CABP7: variants seen among roughly 807,000 people sequenced by gnomAD.
CABP7 encodes the protein calcium-binding protein 7.
A neutral mutation model predicts 23.1 loss-of-function variants in CABP7; 13 were observed. That is an observed-to-expected ratio of 0.56 (90% CI 0.37 to 0.90). The LOEUF is 0.90. CABP7 is among the 40% of genes least tolerant of loss of function. The pLI is 0.01. For missense variants in CABP7, 248 were observed against 295.6 expected, an observed-to-expected ratio of 0.84 and a Z score of 1.18; for synonymous variants, 123 against 115.3, an observed-to-expected ratio of 1.07 and a Z score of -0.43.
At position 29,731,259 on chromosome 22, in the gene CABP7, C is replaced by T. The variant is rs533075080; in HGVS notation, c.*1690C>T. The T allele has an allele frequency of 1.1e-5, 17 of 1,515,946 alleles. No individual in the cohort carries two copies. The South Asian group carries it at 2.2e-4, about 19-fold the overall frequency. 93.9% of individuals were successfully genotyped at this position (1,515,946 alleles called of 1,614,324 possible). Reference sequence around the variant, plus strand: ...CTGGACTCTGGGCTGCAGAGGCCACCCCCCAGGTGGGGGTGCCCGCAGGGA... The same window carrying T: ...CTGGACTCTGGGCTGCAGAGGCCACTCCCCAGGTGGGGGTGCCCGCAGGGA... On this transcript the variant is annotated 3_prime_UTR_variant, in exon 5 of 5. Coordinates refer to ENST00000216144, the MANE Select transcript of CABP7 (RefSeq NM_182527.3).
At position 29,731,076 on chromosome 22, in the gene CABP7, C is replaced by T; in HGVS notation, c.*1507C>T. ...GCCCGGTGCAGACCCAGGACGAGGG[C>T]TGCACTTGGTGTGGCCGTGTCCTGA... is the stretch of plus-strand genomic sequence containing the variant. On this transcript the variant is annotated 3_prime_UTR_variant, in exon 5 of 5. Coordinates refer to ENST00000216144, the MANE Select transcript of CABP7 (RefSeq NM_182527.3). 1.3e-6 allele frequency: 1 copy of T among 798,906 alleles called. No individual in the cohort carries two copies. The highest frequency in any genetic ancestry group is 1.8e-6 in the Non-Finnish European group (1 of 548,062). 49.5% of individuals were successfully genotyped at this position (798,906 alleles called of 1,614,324 possible).
Position 29,720,727 on chromosome 22 carries a change from C to A in CABP7, c.109+194C>A, listed in dbSNP as rs992137344. ...CCGGGGCGCCGCGGTGGGGGTCGCT[C>A]AGGCGGAGAGCGGCCCAGCCCCTGC... On this transcript the variant is annotated intron_variant, in intron 1 of 4. Coordinates refer to ENST00000216144, the MANE Select transcript of CABP7 (RefSeq NM_182527.3). The surrounding 1 kb of genome is among the most constrained non-coding windows in gnomAD (Gnocchi z 5.2). 6.6e-6 allele frequency among the ~76,000 whole-genome samples: 1 copy of A among 151,530 alleles called. No homozygotes were observed. Among genetic ancestry groups the A allele is most frequent in the African/African-American group, 2.4e-5 (1 of 41,374 alleles).
In CABP7 at chr22:29,720,354, C is replaced by T. The variant is rs2067750417; in HGVS notation, c.-71C>T. The T allele has an allele frequency of 3.3e-6, 3 of 906,558 alleles. No individual in the cohort carries two copies. The Admixed American group carries it at 1.3e-4, about 39-fold the overall frequency. 56.2% of individuals were successfully genotyped at this position (906,558 alleles called of 1,614,324 possible). A position where few individuals can be genotyped will look rare whatever the true frequency, so the allele number is the denominator to read the frequency against. On this transcript the variant is annotated 5_prime_UTR_variant, in exon 1 of 5. Transcript: ENST00000216144. This position sits in a 1 kb window ranked among gnomAD's most constrained non-coding sequence, Gnocchi z 5.2. ...GCGCCCCGCCCGCTCCAGCCGCCCCCGGGGCCGCCACCGGCCCATGAGCCC... is the reference window on the plus strand; with the variant it reads ...GCGCCCCGCCCGCTCCAGCCGCCCCTGGGGCCGCCACCGGCCCATGAGCCC...
rs1404077022 is a variant in CABP7, at chr22:29,729,497, C to T, written c.576C>T (p.Ala192=). The T allele has an allele frequency of 1.2e-6, 2 of 1,612,428 alleles. No individual in the cohort carries two copies. The highest frequency in any genetic ancestry group is 1.7e-6 in the Non-Finnish European group (2 of 1,180,000). ...QTCVRKSLIC[A]FAIAFIISVM... is the part of the protein sequence containing the mutation. The stretch of plus-strand genomic sequence containing the variant: ...GCGTGCGCAAGAGTCTCATCTGCGC[C>T]TTCGCCATCGCCTTCATCATCAGTG... The change falls in exon 5 of 5, where the codon GCC becomes GCT. Residue 192 remains alanine, a synonymous_variant. Transcript: ENST00000216144.
chr22:29,729,554 C>T lies in CABP7; in HGVS notation c.633C>T (p.Arg211=). ...TCATTGCGGCCAACCAGGTGCTGCG[C>T]AGTGGCATGAAGTAGACGCCACCTG... is the stretch of plus-strand genomic sequence containing the variant. The part of the protein sequence containing the change: ...VMLIAANQVL[R]SGMK Residue 211 remains arginine (R), a synonymous_variant, in exon 5 of 5, where the codon CGC becomes CGT. Coordinates refer to ENST00000216144, the MANE Select transcript of CABP7 (RefSeq NM_182527.3). The T allele has an allele frequency of 1.2e-6, 2 of 1,611,146 alleles. No individual in the cohort carries two copies. The highest frequency in any genetic ancestry group is 1.7e-6 in the Non-Finnish European group (2 of 1,179,942).
Position 29,731,454 on chromosome 22 carries a change from G to T in CABP7, c.*1885G>T. The T allele has an allele frequency of 6.9e-7, 1 of 1,453,772 alleles. No homozygotes were observed. Among genetic ancestry groups the T allele is most frequent in the Non-Finnish European group, 9.0e-7 (1 of 1,109,508 alleles). The allele number at this position is 1,453,772 out of a possible 1,614,324, so 90.1% of individuals were successfully genotyped here. On this transcript the variant is annotated 3_prime_UTR_variant, in exon 5 of 5. Coordinates refer to ENST00000216144, the MANE Select transcript of CABP7 (RefSeq NM_182527.3). ...CCTCACCACCCTGGCTGTGGGGAGG[G>T]TCAGCTGCCTGCATGACTTTTCTGG...
At chr22:29,721,890 C>T (rs538776364) in intron 1 of CABP7, among the ~76,000 whole-genome samples, 1 of 152,290 alleles carries the variant, frequency 6.6e-6, no homozygotes, top group South Asian at 2.1e-4. Context: ...GACATGACCT[C>T]ACCATTCACC....
intron 1 of CABP7, among the ~76,000 whole-genome samples, chr22:29,723,633 C>T (rs534479545): frequency 1.3e-5 from 2 of 152,316 alleles, no homozygotes; most frequent in South Asian, 4.1e-4. Context: ...TGAGTGGAGC[C>T]TTCATTGAGA....
intron 1 of CABP7, among the ~76,000 whole-genome samples, chr22:29,724,384 T>C (rs1412753370): frequency 6.6e-6 from 1 of 152,264 alleles, no homozygotes; most frequent in African/African-American, 2.4e-5. Flanking sequence ...CCTCTTCTTC[T>C]GGCTCTGCTA....
At chr22:29,725,797 C>T (rs533142476) in intron 1 of CABP7, among the ~76,000 whole-genome samples, 1 of 152,254 alleles carries the variant, frequency 6.6e-6, no homozygotes, top group African/African-American at 2.4e-5. Flanking sequence ...GGGCCCCTAG[C>T]CTGGATGGAG....
intron 1 of CABP7, among the ~76,000 whole-genome samples, chr22:29,721,960 G>A (rs990955473): frequency 6.6e-6 from 1 of 152,086 alleles, no homozygotes. Flanking sequence ...TACGATGGTG[G>A]GGGGCGAAAG....
Position 29,720,537 on chromosome 22 carries a change from A to G in CABP7, c.109+4A>G. On this transcript the variant is annotated splice_donor_region_variant and intron_variant, in intron 1 of 4. Coordinates refer to ENST00000216144, the MANE Select transcript of CABP7 (RefSeq NM_182527.3). The surrounding 1 kb of genome is among the most constrained non-coding windows in gnomAD (Gnocchi z 5.2). The stretch of plus-strand genomic sequence containing the variant: ...ATCCCGGAGGACGAGCTGGAGGGTG[A>G]GTGTCCGCCGGGATCCCCGCCCCGG... 2 of 1,521,616 alleles carry G rather than the reference A, an allele frequency of 1.3e-6. No homozygotes were observed. The highest frequency in any genetic ancestry group is 2.7e-5 in the East Asian group (1 of 36,448). The allele number at this position is 1,521,616 out of a possible 1,614,324, so 94.3% of individuals were successfully genotyped here. A position where few individuals can be genotyped will look rare whatever the true frequency, so the allele number is the denominator to read the frequency against.
intron 1 of CABP7, among the ~76,000 whole-genome samples, chr22:29,724,204 C>T (rs112246862): frequency 0.074 from 11,299 of 152,238 alleles, 496 homozygotes; most frequent in South Asian, 0.14. Flanking sequence ...GTGATGGTGC[C>T]GGAGTCGCTC....
Position 29,727,264 on chromosome 22 carries a change from G to C in CABP7, c.110-398G>C, listed in dbSNP as rs577933792. Reference sequence around the variant, plus strand: ...GGAGGCGCAGCGGGATGGAGATGGTGGGGGAGAGGGGGATGAAAGGAATGG... The same window carrying C: ...GGAGGCGCAGCGGGATGGAGATGGTCGGGGAGAGGGGGATGAAAGGAATGG... On this transcript the variant is annotated intron_variant, in intron 1 of 4. Transcript: ENST00000216144. The surrounding 1 kb of genome is among the most constrained non-coding windows in gnomAD (Gnocchi z 4.2). 6.6e-6 allele frequency among the ~76,000 whole-genome samples: 1 copy of C among 151,756 alleles called. No homozygotes were observed.
At chr22:29,726,286 C>T (rs1445573501) in intron 1 of CABP7, among the ~76,000 whole-genome samples, 1 of 152,170 alleles carries the variant, frequency 6.6e-6, no homozygotes, top group Non-Finnish European at 1.5e-5. Context: ...AAGGGTGGGG[C>T]CTCCGCCCAA....
chr22:29,720,660 C>A lies in CABP7; in HGVS notation c.109+127C>A. On this transcript the variant is annotated intron_variant, in intron 1 of 4. Transcript: ENST00000216144. The surrounding 1 kb of genome is among the most constrained non-coding windows in gnomAD (Gnocchi z 5.2). Reference sequence around the variant, plus strand: ...CAGGTGCCGGTTGCCAGGTGGGCGCCCCAGCTAGCAGCTGTGCCCCGCGGC... The same window carrying A: ...CAGGTGCCGGTTGCCAGGTGGGCGCACCAGCTAGCAGCTGTGCCCCGCGGC... The A allele has an allele frequency of 2.0e-6, 1 of 494,478 alleles. No homozygotes were observed. The allele number at this position is 494,478 out of a possible 1,614,324, so 30.6% of individuals were successfully genotyped here.
intron 1 of CABP7, among the ~76,000 whole-genome samples, chr22:29,725,638 G>A (rs937180959): frequency 1.3e-5 from 2 of 152,162 alleles, no homozygotes; most frequent in Non-Finnish European, 2.9e-5. Context: ...TGGGGAACAG[G>A]GAGGGCACCA....
In CABP7 at chr22:29,729,021, G is replaced by A. The variant is rs367683844; in HGVS notation, c.367-34G>A. 4.6e-4 allele frequency: 738 copies of A among 1,598,274 alleles called. 1 individual carries two copies. Among genetic ancestry groups the A allele is most frequent in the Non-Finnish European group, 6.0e-4 (702 of 1,169,332 alleles). ...GGGGTGCTGGGTGGGGGCTGCGGTG[G>A]CTCTCAGAGCACCGTGTTGTCCCCC... On this transcript the variant is annotated intron_variant, in intron 3 of 4. Transcript: ENST00000216144.
rs549134446 is a variant in CABP7 at position 29,720,943 on chromosome 22, G to A, written c.109+410G>A. On this transcript the variant is annotated intron_variant, in intron 1 of 4. Coordinates refer to ENST00000216144, the MANE Select transcript of CABP7 (RefSeq NM_182527.3). This position sits in a 1 kb window ranked among gnomAD's most constrained non-coding sequence, Gnocchi z 5.2. ...GGCGCCCGCCCGCGGCTCTCTGCTC[G>A]CATTGACATTCCGCTCGTGTCGCTT... Among the ~76,000 whole-genome samples the A allele has an allele frequency of 6.4e-4, 97 of 152,126 alleles. No homozygotes were observed. Among genetic ancestry groups the A allele is most frequent in the African/African-American group, 2.2e-3 (91 of 41,534 alleles).
Sources: allele counts gnomAD v4.1 joint callset (sites outside exome capture counted in the v4.1 genomes callset), GRCh38; gene constraint gnomAD v4.1.1; non-coding constraint Gnocchi (gnomAD v3.1); transcripts MANE v1.5; gene names NCBI Gene and HGNC (gene_info 2026-07-23, HGNC 2026-07-21).